Variants in NUP35 observed in about 807,000 individuals in gnomAD.
NUP35 encodes the protein nucleoporin 35.
NUP35 carries 25 observed loss-of-function variants against 41.5 expected under a neutral mutation model. That is an observed-to-expected ratio of 0.60 (90% CI 0.44 to 0.84). The LOEUF is 0.84. Among genes scored for constraint, NUP35 ranks in the 40% least tolerant of loss-of-function variants. NUP35 has a pLI of 0.00. For synonymous variants in NUP35, 149 were observed against 130.7 expected (o/e 1.14, Z -0.96); for missense variants, 396 against 396.6 (o/e 1.00, Z 0.01).
rs1684569179 is a variant in NUP35 at position 183,128,288 on chromosome 2, A to T, written c.42A>T (p.Gly14=). ...FAVEPQGPAL[G]SEPMMLGSPT... is the part of the protein sequence containing the mutation. Reference sequence around the variant, plus strand: ...TAATTTATTTTTTGATTCATGTAGGATCTGAACCAATGATGCTGGGTTCAC... The same window carrying T: ...TAATTTATTTTTTGATTCATGTAGGTTCTGAACCAATGATGCTGGGTTCAC... Residue 14 remains glycine, a splice_region_variant and synonymous_variant, in exon 2 of 9, where the codon GGA becomes GGT. Transcript: ENST00000295119. 6.2e-7 allele frequency: 1 copy of T among 1,608,148 alleles called. No homozygotes were observed. Among genetic ancestry groups the T allele is most frequent in the Non-Finnish European group, 8.5e-7 (1 of 1,176,556 alleles).
chr2:183,130,082 G>A (rs755543115), intron 2 of NUP35, among the ~76,000 whole-genome samples: 4 of 152,150 alleles, frequency 2.6e-5, no homozygotes, highest in Non-Finnish European at 4.4e-5. Context: ...AATGTTAAGC[G>A]TTTTGTAGAG....
At chr2:183,140,942 A>G (rs16824033) in intron 4 of NUP35, among the ~76,000 whole-genome samples, 6,738 of 152,130 alleles carry the variant, frequency 0.044, 238 homozygotes, top group South Asian at 0.15. Context: ...GGAATTTACT[A>G]TGTCCAAATT....
chr2:183,155,860 C>G (rs2105614195), intron 5 of NUP35, among the ~76,000 whole-genome samples: 1 of 152,166 alleles, frequency 6.6e-6, no homozygotes, highest in South Asian at 2.1e-4. Context: ...TTTCGTATTT[C>G]AGACATTAAC....
intron 4 of NUP35, among the ~76,000 whole-genome samples, chr2:183,137,095 A>G (rs903111879): frequency 6.6e-6 from 1 of 151,208 alleles, no homozygotes; most frequent in Non-Finnish European, 1.5e-5. Flanking sequence ...GTCTCCAAAA[A>G]AAAGAAATCT....
Position 183,132,399 on chromosome 2 carries a change from C to CAA in NUP35, c.340-1157_340-1156dup, listed in dbSNP as rs36122337. Among the ~76,000 whole-genome samples the CAA allele has an allele frequency of 9.3e-3, 1,315 of 141,086 alleles. 22 individuals are homozygous for CAA. The highest frequency in any genetic ancestry group is 0.031 in the African/African-American group (1,193 of 38,532). 92.6% of individuals were successfully genotyped at this position (141,086 alleles called of 152,430 possible). On this transcript the variant is annotated intron_variant, in intron 3 of 8. Transcript: ENST00000295119. ...GAAACTCTTGTCTCTACTGAAAATACAAAAAAAAAAAGGCTAGATGTGGTG... is the reference window on the plus strand; with the variant it reads ...GAAACTCTTGTCTCTACTGAAAATACAAAAAAAAAAAAAGGCTAGATGTGGTG...
chr2:183,161,021 C>G (rs765853093), intron 8 of NUP35, 33 bp from the exon 9 acceptor site: 6 of 1,563,626 alleles, frequency 3.8e-6, no homozygotes, highest in South Asian at 3.4e-5. Context: ...TAACAATAAC[C>G]TAACCGTTTT....
intron 2 of NUP35, among the ~76,000 whole-genome samples, chr2:183,130,170 C>T (rs566288051): frequency 4.1e-4 from 63 of 152,190 alleles, no homozygotes; most frequent in African/African-American, 1.5e-3. Context: ...ATTCAGAGTG[C>T]AGTCTATGGA....
At chr2:183,141,294 A>T (rs982047111) in intron 4 of NUP35, among the ~76,000 whole-genome samples, 5 of 152,170 alleles carry the variant, frequency 3.3e-5, no homozygotes, top group Non-Finnish European at 7.3e-5. Context: ...CCACCTGGAT[A>T]ATCTCCCCAT....
intron 4 of NUP35, among the ~76,000 whole-genome samples, chr2:183,144,421 A>G (rs1397148059): frequency 1.3e-5 from 2 of 152,184 alleles, no homozygotes; most frequent in East Asian, 3.8e-4. Flanking sequence ...ACTTTGTTTC[A>G]TGATAAGAAG....
chr2:183,141,832 A>T (rs1419809651), intron 4 of NUP35, among the ~76,000 whole-genome samples: 1 of 152,190 alleles, frequency 6.6e-6, no homozygotes, highest in African/African-American at 2.4e-5. Context: ...GGTGTATGAC[A>T]ATCATCCTAG....
At chr2:183,124,015 TG>T (rs1287493382), upstream of NUP35, among the ~76,000 whole-genome samples, 3 of 152,210 alleles carry the variant, frequency 2.0e-5, no homozygotes, top group Admixed American at 1.3e-4. Context: ...AAAAGCGTCA[TG>T]TACTAAGTCC....
At chr2:183,119,533 A>G (rs1017147496), upstream of NUP35, among the ~76,000 whole-genome samples, 3 of 152,202 alleles carry the variant, frequency 2.0e-5, no homozygotes, top group Non-Finnish European at 2.9e-5. Flanking sequence ...ATTGGGGTGG[A>G]AAGCTAAGGG....
chr2:183,158,890 C>T (rs1300233286), intron 7 of NUP35, among the ~76,000 whole-genome samples: 1 of 152,060 alleles, frequency 6.6e-6, no homozygotes, highest in Non-Finnish European at 1.5e-5. Flanking sequence ...TCTATATATA[C>T]TCATTAAATA....
At chr2:183,158,176 C>T (rs1321739814) in intron 6 of NUP35, 107 bp from the exon 7 acceptor site, 12 of 829,352 alleles carry the variant, frequency 1.4e-5, no homozygotes, top group Admixed American at 3.8e-5. Context: ...GCATCAAATA[C>T]GGAATGGAAG....
chr2:183,152,110 AACAC>A (rs67798004), intron 5 of NUP35, among the ~76,000 whole-genome samples: 16,499 of 113,150 alleles, frequency 0.15, 1,099 homozygotes, highest in Non-Finnish European at 0.21. Context: ...AACATTTACA[AACAC>A]ACACACACAC....
intron 4 of NUP35, among the ~76,000 whole-genome samples, chr2:183,139,587 A>G (rs1685013575): frequency 6.6e-6 from 1 of 152,206 alleles, no homozygotes; most frequent in South Asian, 2.1e-4. Flanking sequence ...GATTGCCTGG[A>G]TGGTGCCTAA....
intron 5 of NUP35, 96 bp from the exon 6 acceptor site, chr2:183,157,348 T>A: frequency 1.1e-6 from 1 of 911,486 alleles, no homozygotes; most frequent in East Asian, 2.4e-5. Context: ...TTCTAGACAG[T>A]TGGGGGCCAT....
At chr2:183,152,150 CACACAA>C (rs1685492175) in intron 5 of NUP35, among the ~76,000 whole-genome samples, 1 of 141,864 alleles carries the variant, frequency 7.0e-6, no homozygotes, top group Non-Finnish European at 1.5e-5. Context: ...CACACACACA[CACACAA>C]TGTCACAGGG....
At chr2:183,123,290 A>G (rs1559139477), upstream of NUP35, among the ~76,000 whole-genome samples, 2 of 152,228 alleles carry the variant, frequency 1.3e-5, no homozygotes, top group Non-Finnish European at 2.9e-5. Flanking sequence ...TGGTACTCCA[A>G]TGTGACTTTA....
Sources: allele counts gnomAD v4.1 joint callset (sites outside exome capture counted in the v4.1 genomes callset), GRCh38; gene constraint gnomAD v4.1.1; transcripts MANE v1.5; gene names NCBI Gene and HGNC (gene_info 2026-07-23, HGNC 2026-07-21).